The following USP24 variants were observed in gnomAD, a reference collection of about 807,000 sequenced individuals.
USP24 encodes ubiquitin specific peptidase 24.
Under a neutral mutation model 361.6 loss-of-function variants are expected in USP24, and 97 were observed. The observed-to-expected ratio is 0.27, with a 90% CI of 0.23 to 0.32. USP24 has a LOEUF of 0.32. Among genes scored for constraint, USP24 ranks in the 10% least tolerant of loss-of-function variants. USP24 has a pLI of 1.00. For missense variants in USP24, 2,353 were observed against 3,165.6 expected, an observed-to-expected ratio of 0.74 and a Z score of 6.16; for synonymous variants, 1,098 against 1,124.6, an observed-to-expected ratio of 0.98 and a Z score of 0.47.
chr1:55,122,951 C>A lies in USP24; in HGVS notation c.4276+496G>T, dbSNP rs558633970. Among the ~76,000 whole-genome samples, 3 of 152,092 alleles carry A rather than the reference C, an allele frequency of 2.0e-5. No individual in the cohort carries two copies. The South Asian group carries it at 6.2e-4, about 32-fold the overall frequency. On this transcript the variant is annotated intron_variant, in intron 36 of 67. Coordinates refer to ENST00000294383, the MANE Select transcript of USP24 (RefSeq NM_015306.3). ...TGGAATTTAAAACTGTGAAACTGCA[C>A]GAGATCACCAAGGGAATGAATGGAG...
At position 55,192,222 on chromosome 1, in the gene USP24, G is replaced by GAT. The variant is rs201968800; in HGVS notation, c.325-14092_325-14091dup. Among the ~76,000 whole-genome samples, 47 of 152,226 alleles carry GAT rather than the reference G, an allele frequency of 3.1e-4. No individual in the cohort carries two copies. The East Asian group carries it at 7.9e-3, about 26-fold the overall frequency. Reference sequence around the variant, plus strand: ...ACTGATTACTCTTGAACCCAACAAGGATACATTACTGTAATTTAAGCCTTC... The same window carrying GAT: ...ACTGATTACTCTTGAACCCAACAAGGATATACATTACTGTAATTTAAGCCTTC... On this transcript the variant is annotated intron_variant, in intron 1 of 67. Coordinates refer to ENST00000294383, the MANE Select transcript of USP24 (RefSeq NM_015306.3).
In USP24 at chr1:55,121,443, C is replaced by T. The variant is rs926313013; in HGVS notation, c.4340G>A (p.Ser1447Asn). The T allele has an allele frequency of 2.5e-6, 4 of 1,613,504 alleles. No individual in the cohort carries two copies. Among genetic ancestry groups the T allele is most frequent in the Non-Finnish European group, 3.4e-6 (4 of 1,179,736 alleles). ...AATGTGAAAAATCCTTACCTCAGCA[C>T]TTGGTGATCCGAGCAGAATATCAAT... ...FIIDILLGSP[S>N]AEIRRVACDQ... The change falls in exon 37 of 68, where the codon AGT becomes AAT. Residue 1447 changes from serine to asparagine, a missense_variant. Coordinates refer to ENST00000294383, the MANE Select transcript of USP24 (RefSeq NM_015306.3).
chr1:55,198,292 A>C (rs1277915661), intron 1 of USP24, among the ~76,000 whole-genome samples: 1 of 152,040 alleles, frequency 6.6e-6, no homozygotes, highest in Non-Finnish European at 1.5e-5. Context: ...TATATTTCTC[A>C]TTTTAGAAAG....
At chr1:55,198,215 C>T (rs756184363) in intron 1 of USP24, among the ~76,000 whole-genome samples, 15 of 152,042 alleles carry the variant, frequency 9.9e-5, no homozygotes, top group Non-Finnish European at 1.8e-4. Flanking sequence ...TACCTCACTT[C>T]AAGCAATCCT....
rs1477821806 is a variant in USP24 at position 55,143,685 on chromosome 1, A to T, written c.2439+442T>A. 4.0e-5 allele frequency among the ~76,000 whole-genome samples: 6 copies of T among 151,800 alleles called. No homozygotes were observed. The East Asian group carries it at 1.2e-3, about 29-fold the overall frequency. ...AATATAAACATAAGCTGTACATCCT[A>T]GTTTTCCTGCCTCACTGTCTATTCC... On this transcript the variant is annotated intron_variant, in intron 21 of 67. Transcript: ENST00000294383.
chr1:55,142,877 A>C, intron 22 of USP24, 82 bp from the exon 23 acceptor site: 1 of 1,429,636 alleles, frequency 7.0e-7, no homozygotes, highest in Non-Finnish European at 9.4e-7. Context: ...AAAATAAAGA[A>C]GCCAATTTTT....
At position 55,172,504 on chromosome 1, in the gene USP24, G is replaced by A; in HGVS notation, c.575C>T (p.Ala192Val). The A allele has an allele frequency of 6.2e-7, 1 of 1,611,952 alleles. No individual in the cohort carries two copies. The highest frequency in any genetic ancestry group is 8.5e-7 in the Non-Finnish European group (1 of 1,179,072). Residue 192 changes from alanine to valine, a missense_variant, in exon 4 of 68, where the codon GCT becomes GTT. Ala to Val is a moderately conservative substitution (Grantham distance 64). This residue lies in a region of USP24 where 386 missense variants were observed against 560.5 expected (regional missense o/e 0.69). Transcript: ENST00000294383. The part of the protein sequence containing the change: ...EAFKKLLTSS[A>V]VHKWGTEIHE... Reference sequence around the variant, plus strand: ...AATTTCAGTACCCCACTTGTGAACAGCACTTGATGTCAGGAGCTATAAAAA... The same window carrying A: ...AATTTCAGTACCCCACTTGTGAACAACACTTGATGTCAGGAGCTATAAAAA...
rs1242724083 is a variant in USP24, at chr1:55,083,866, A to T, written c.6788T>A (p.Leu2263Gln). The T allele has an allele frequency of 2.5e-6, 4 of 1,600,808 alleles. No homozygotes were observed. Among genetic ancestry groups the T allele is most frequent in the Non-Finnish European group, 2.6e-6 (3 of 1,173,438 alleles). The change falls in exon 57 of 68, where the codon CTG (leucine) becomes CAG (glutamine). Residue 2263 changes from leucine to glutamine, a missense_variant. Coordinates refer to ENST00000294383, the MANE Select transcript of USP24 (RefSeq NM_015306.3). The stretch of plus-strand genomic sequence containing the variant: ...GTCCAACAGAGCAAGTAGTACCTCC[A>T]GTAACTGATGAAGGCTTTTTAACTG... ...QDKLKSLHQL[L>Q]EVLLALLDKD...
At chr1:55,155,490 A>G (rs1647545472) in intron 12 of USP24, among the ~76,000 whole-genome samples, 1 of 152,190 alleles carries the variant, frequency 6.6e-6, no homozygotes. Flanking sequence ...CTAATCTTCA[A>G]CCTAAATCTT....
At position 55,103,176 on chromosome 1, in the gene USP24, G is replaced by C. The variant is rs149288734; in HGVS notation, c.5025+700C>G. On this transcript the variant is annotated intron_variant, in intron 42 of 67. Coordinates refer to ENST00000294383, the MANE Select transcript of USP24 (RefSeq NM_015306.3). ...AGCTATTTCATGTCTCCACAGCTGTGTTCATATTCTTCTCATTACTGGAAT... is the reference window on the plus strand; with the variant it reads ...AGCTATTTCATGTCTCCACAGCTGTCTTCATATTCTTCTCATTACTGGAAT... Among the ~76,000 whole-genome samples, 141 of 152,226 alleles carry C rather than the reference G, an allele frequency of 9.3e-4. 1 individual carries two copies. Among genetic ancestry groups the C allele is most frequent in the Middle Eastern group, 6.8e-3 (2 of 294 alleles).
At chr1:55,187,948 T>C (rs925757562) in intron 1 of USP24, among the ~76,000 whole-genome samples, 2 of 152,206 alleles carry the variant, frequency 1.3e-5, no homozygotes, top group Non-Finnish European at 2.9e-5. Flanking sequence ...CAAGGAACCC[T>C]GAATAGTCAA....
intron 52 of USP24, 26 bp downstream of exon 52, chr1:55,093,911 C>G (rs376688681): frequency 1.2e-6 from 2 of 1,612,330 alleles, no homozygotes; most frequent in African/African-American, 2.7e-5. Flanking sequence ...GATATTCCCC[C>G]TTAGAATTTT....
chr1:55,196,723 C>T (rs947480661), intron 1 of USP24, among the ~76,000 whole-genome samples: 6 of 152,224 alleles, frequency 3.9e-5, no homozygotes, highest in Non-Finnish European at 8.8e-5. Flanking sequence ...TGATCTTTCT[C>T]ACCAGATCAT....
At chr1:55,131,059 C>T (rs1307979149) in intron 31 of USP24, among the ~76,000 whole-genome samples, 1 of 152,144 alleles carries the variant, frequency 6.6e-6, no homozygotes, top group Non-Finnish European at 1.5e-5. Flanking sequence ...TTGGACCATT[C>T]TGTTTTTCTA....
intron 1 of USP24, among the ~76,000 whole-genome samples, chr1:55,198,540 C>T (rs866509030): frequency 6.6e-6 from 1 of 152,154 alleles, no homozygotes. Context: ...CTGTTCTGTG[C>T]ACTGTAAGAT....
chr1:55,099,599 A>G (rs1645581234), intron 45 of USP24, among the ~76,000 whole-genome samples, 172 bp downstream of exon 45: 1 of 152,186 alleles, frequency 6.6e-6, no homozygotes, highest in Non-Finnish European at 1.5e-5. Flanking sequence ...ATACAATTCT[A>G]TTGATCTGTG....
intron 1 of USP24, among the ~76,000 whole-genome samples, chr1:55,201,127 G>A (rs879910495): frequency 5.9e-5 from 9 of 152,166 alleles, no homozygotes; most frequent in Non-Finnish European, 1.2e-4. Flanking sequence ...ATGGTGTAGG[G>A]TATTTTAGGC....
chr1:55,197,126 G>A (rs1050699427), intron 1 of USP24, among the ~76,000 whole-genome samples: 4 of 152,122 alleles, frequency 2.6e-5, no homozygotes, highest in African/African-American at 4.8e-5. Context: ...TTAGAATGCC[G>A]TTCCCTCAGA....
rs180921925 is a variant in USP24 at position 55,203,198 on chromosome 1, T to C, written c.324+11592A>G. 1.8e-3 allele frequency among the ~76,000 whole-genome samples: 273 copies of C among 152,348 alleles called. 1 individual carries two copies. Among genetic ancestry groups the C allele is most frequent in the Non-Finnish European group, 2.4e-3 (165 of 68,024 alleles). ...CCCACAGATAGGGGAGACACTAGTG[T>C]ATATCTAACAAAGGAAATGTGATGA... On this transcript the variant is annotated intron_variant, in intron 1 of 67. Transcript: ENST00000294383.
Sources: gnomAD v4.1 joint callset for allele counts (sites outside exome capture counted in the v4.1 genomes callset) on GRCh38, gnomAD v4.1.1 for gene constraint, gnomAD v4.1.1 regional missense constraint, MANE v1.5 for transcripts, NCBI Gene and HGNC (gene_info 2026-07-23, HGNC 2026-07-21) for gene names.